CNTN4: variants seen among roughly 807,000 people sequenced by gnomAD.
The protein encoded by CNTN4 is contactin 4.
A neutral mutation model predicts 122.5 loss-of-function variants in CNTN4; 77 were observed. The observed-to-expected ratio is 0.63, with a 90% CI of 0.52 to 0.76. The LOEUF is 0.76. Among genes scored for constraint, CNTN4 ranks in the 30% least tolerant of loss-of-function variants. The pLI, the probability that CNTN4 is intolerant of heterozygous loss-of-function variation, is 0.00. For missense variants in CNTN4, 1,256 were observed against 1,259.1 expected (o/e 1.00, Z 0.04); for synonymous variants, 512 against 447.0 (o/e 1.15, Z -1.83).
chr3:2,600,739 C>T (rs528057386), intron 4 of CNTN4, among the ~76,000 whole-genome samples: 1,928 of 152,142 alleles, frequency 0.013, 22 homozygotes, highest in Non-Finnish European at 0.018. Context: ...CTGGGTCAAA[C>T]GGTATTTCTA....
intron 14 of CNTN4, among the ~76,000 whole-genome samples, chr3:2,994,619 G>A (rs114119438): frequency 0.042 from 5,732 of 136,678 alleles, 165 homozygotes; most frequent in Non-Finnish European, 0.063. Context: ...ATATATGTGT[G>A]TATATATATA....
At chr3:2,263,041 G>A (rs1341542178) in intron 2 of CNTN4, among the ~76,000 whole-genome samples, 1 of 152,062 alleles carries the variant, frequency 6.6e-6, no homozygotes, top group Non-Finnish European at 1.5e-5. Flanking sequence ...TCTATGGATC[G>A]GTGCTTAGTC....
rs147952319 is a variant in CNTN4 at position 2,416,502 on chromosome 3, G to A, written c.-89+77269G>A. ...AGGAAATCAACACACTGAAGTAGGA[G>A]GCTTCCCCAAAATGGAATATTGAGC... On this transcript the variant is annotated intron_variant, in intron 3 of 24. Transcript: ENST00000418658. Among the ~76,000 whole-genome samples, 912 of 152,250 alleles carry A rather than the reference G, an allele frequency of 6.0e-3. 7 individuals carry two copies. Among genetic ancestry groups the A allele is most frequent in the Non-Finnish European group, 0.01 (707 of 68,024 alleles).
At chr3:2,703,063 T>A (rs1476171091) in intron 4 of CNTN4, among the ~76,000 whole-genome samples, 1 of 152,218 alleles carries the variant, frequency 6.6e-6, no homozygotes, top group Admixed American at 6.5e-5. Flanking sequence ...AGTATCTAAT[T>A]CAATTATCAC....
At chr3:2,938,024 G>T (rs1499136) in intron 13 of CNTN4, among the ~76,000 whole-genome samples, 123,137 of 152,108 alleles carry the variant, frequency 0.81, 50,684 homozygotes, top group African/African-American at 0.95. Context: ...AACTAGAGTT[G>T]ATTAACACTG....
chr3:2,264,918 A>C (rs1200408854), intron 2 of CNTN4, among the ~76,000 whole-genome samples: 1 of 152,052 alleles, frequency 6.6e-6, no homozygotes, highest in East Asian at 1.9e-4. Flanking sequence ...TTACATGAAT[A>C]AGTTCTTTAG....
intron 6 of CNTN4, among the ~76,000 whole-genome samples, chr3:2,753,143 G>T (rs2090171936): frequency 6.6e-6 from 1 of 152,040 alleles, no homozygotes; most frequent in African/African-American, 2.4e-5. Flanking sequence ...ACCCAGTTGT[G>T]GAATTGCTGG....
chr3:2,428,524 C>G (rs2047932492), intron 3 of CNTN4, among the ~76,000 whole-genome samples: 1 of 152,188 alleles, frequency 6.6e-6, no homozygotes, highest in African/African-American at 2.4e-5. Context: ...TTCATTTCAA[C>G]TTTGGTGAAT....
intron 4 of CNTN4, among the ~76,000 whole-genome samples, chr3:2,674,873 C>G (rs1244037657): frequency 6.6e-6 from 1 of 152,180 alleles, no homozygotes; most frequent in Non-Finnish European, 1.5e-5. Context: ...CAACCTCTCC[C>G]TATCCCCACC....
chr3:3,003,710 A>AC lies in CNTN4; in HGVS notation c.1486+15238_1486+15239insC, dbSNP rs1559776129. The stretch of plus-strand genomic sequence containing the variant: ...AAAAAAAAAAAAAAAAAAAAAAAAA[A>AC]AAAACAAAAAAACCCCACTGAATTG... On this transcript the variant is annotated intron_variant, in intron 14 of 24. Coordinates refer to ENST00000418658, the MANE Select transcript of CNTN4 (RefSeq NM_175607.3). 3.9e-4 allele frequency among the ~76,000 whole-genome samples: 57 copies of AC among 145,814 alleles called. 2 individuals carry two copies. Among genetic ancestry groups the AC allele is most frequent in the Middle Eastern group, 3.4e-3 (1 of 292 alleles).
intron 2 of CNTN4, among the ~76,000 whole-genome samples, chr3:2,204,009 T>C (rs1242364510): frequency 6.6e-6 from 1 of 152,180 alleles, no homozygotes; most frequent in Admixed American, 6.5e-5. Context: ...ATTTCAAACA[T>C]ACATATATAT....
chr3:2,659,187 G>A (rs1002768243), intron 4 of CNTN4, among the ~76,000 whole-genome samples: 1 of 151,740 alleles, frequency 6.6e-6, no homozygotes, highest in South Asian at 2.1e-4. Flanking sequence ...GAGCAGGCCA[G>A]GTGGTGGCTC....
At chr3:2,943,558 AGATTGT>A (rs1472860643) in intron 13 of CNTN4, among the ~76,000 whole-genome samples, 2 of 149,534 alleles carry the variant, frequency 1.3e-5, no homozygotes, top group African/African-American at 4.9e-5. Context: ...AATTTTATTT[AGATTGT>A]TTGTTTATTT....
chr3:2,788,915 G>A (rs1346963237), intron 6 of CNTN4, among the ~76,000 whole-genome samples: 1 of 152,090 alleles, frequency 6.6e-6, no homozygotes, highest in Non-Finnish European at 1.5e-5. Context: ...ACATAGATGA[G>A]CATATCAATC....
intron 3 of CNTN4, among the ~76,000 whole-genome samples, chr3:2,558,935 C>T (rs2078833505): frequency 6.6e-6 from 1 of 152,120 alleles, no homozygotes; most frequent in African/African-American, 2.4e-5. Context: ...ATTTCACACC[C>T]AGAACTACAG....
chr3:2,652,230 A>G (rs945558448), intron 4 of CNTN4, among the ~76,000 whole-genome samples: 2 of 152,184 alleles, frequency 1.3e-5, no homozygotes, highest in African/African-American at 2.4e-5. Context: ...TCTGAAACAG[A>G]CAAACACAAT....
intron 13 of CNTN4, among the ~76,000 whole-genome samples, chr3:2,928,373 C>T (rs986074371): frequency 6.6e-6 from 1 of 152,116 alleles, no homozygotes; most frequent in African/African-American, 2.4e-5. Flanking sequence ...CCATTTTTCT[C>T]ATTTCTTTCT....
chr3:2,273,648 A>T (rs979976151), intron 2 of CNTN4, among the ~76,000 whole-genome samples: 13 of 152,192 alleles, frequency 8.5e-5, no homozygotes, highest in Non-Finnish European at 1.8e-4. Context: ...GAGCCTGCCT[A>T]GTAAAGGAAA....
intron 2 of CNTN4, among the ~76,000 whole-genome samples, chr3:2,251,399 A>G (rs2040373389): frequency 6.6e-6 from 1 of 151,868 alleles, no homozygotes; most frequent in Non-Finnish European, 1.5e-5. Context: ...TTGTGTTCTC[A>G]TTTTGGTTCT....
Sources: gnomAD v4.1 joint callset for allele counts (sites outside exome capture counted in the v4.1 genomes callset) on GRCh38, gnomAD v4.1.1 for gene constraint, MANE v1.5 for transcripts, NCBI Gene and HGNC (gene_info 2026-07-23, HGNC 2026-07-21) for gene names.